TTC28: variants seen among roughly 807,000 people sequenced by gnomAD.
TTC28 encodes the protein tetratricopeptide repeat domain 28, also known as tetratricopeptide repeat protein 28.
A neutral mutation model predicts 198.0 loss-of-function variants in TTC28; 61 were observed. That is an observed-to-expected ratio of 0.31 (90% CI 0.25 to 0.38). The LOEUF (loss-of-function observed/expected upper bound fraction) is 0.38. Ranked by LOEUF, TTC28 falls within the 10% of genes least tolerant of loss-of-function variation. The probability of loss-of-function intolerance (pLI) is 1.00; values close to 1 mark genes in which losing one functional copy is unlikely to be tolerated. For synonymous variants in TTC28, 1,171 were observed against 1,297.8 expected, an observed-to-expected ratio of 0.90 and a Z score of 2.10; for missense variants, 2,678 against 3,164.0, an observed-to-expected ratio of 0.85 and a Z score of 3.69.
At chr22:28,586,646 T>C (rs1437502660) in intron 2 of TTC28, among the ~76,000 whole-genome samples, 2 of 152,182 alleles carry the variant, frequency 1.3e-5, no homozygotes, top group Admixed American at 6.5e-5. Context: ...ACTGATCTTT[T>C]GGCATAGTCA....
At chr22:28,336,680 G>T (rs1317508362) in intron 2 of TTC28, among the ~76,000 whole-genome samples, 1 of 151,848 alleles carries the variant, frequency 6.6e-6, no homozygotes. Context: ...GGTATCGGTG[G>T]TGATATCCGC....
In TTC28 at chr22:28,105,367, C is replaced by G. The variant is rs778103822; in HGVS notation, c.3219G>C (p.Leu1073Phe). 6.4e-7 allele frequency: 1 copy of G among 1,551,694 alleles called. No homozygotes were observed. The highest frequency in any genetic ancestry group is 8.7e-7 in the Non-Finnish European group (1 of 1,146,994). The stretch of plus-strand genomic sequence containing the variant: ...TACTATATGACACCGTCTTGGCCGC[C>G]AAGTCATTCATCTGTGCAGCAATGC... ...HLSIAAQMND[L>F]AAKTVSYSSL... Residue 1073 changes from leucine to phenylalanine, a missense_variant, in exon 8 of 23, where the codon TTG becomes TTC. Transcript: ENST00000397906.
At chr22:28,460,919 T>C (rs1233778872) in intron 2 of TTC28, among the ~76,000 whole-genome samples, 1 of 152,032 alleles carries the variant, frequency 6.6e-6, no homozygotes, top group African/African-American at 2.4e-5. Context: ...CCTGGGCTCA[T>C]ACTCTCCTCC....
intron 5 of TTC28, among the ~76,000 whole-genome samples, chr22:28,219,678 G>A (rs1307385453): frequency 1.1e-4 from 17 of 152,140 alleles, no homozygotes; most frequent in Admixed American, 1.1e-3. Flanking sequence ...CAAAGATCAA[G>A]AGAGGTTAAA....
At chr22:28,468,352 T>G (rs1467232579) in intron 2 of TTC28, among the ~76,000 whole-genome samples, 1 of 152,070 alleles carries the variant, frequency 6.6e-6, no homozygotes, top group Non-Finnish European at 1.5e-5. Flanking sequence ...TCTATTTATT[T>G]CAGTGACGAC....
chr22:28,631,773 G>A (rs982398321), intron 1 of TTC28, among the ~76,000 whole-genome samples: 5 of 152,004 alleles, frequency 3.3e-5, no homozygotes, highest in African/African-American at 1.2e-4. Flanking sequence ...CAATACTCCC[G>A]CCTTGGCTTC....
In TTC28 at chr22:27,979,015, A is replaced by G. The variant is rs1936933559; in HGVS notation, c.*3206T>C. On this transcript the variant is annotated 3_prime_UTR_variant, in exon 23 of 23. Transcript: ENST00000397906. The stretch of plus-strand genomic sequence containing the variant: ...TGGACTCCTCCCAAGTGGGACAAAG[A>G]GCCAAGGGCTATGCAGGAGGCATTT... 6.6e-6 allele frequency: 1 copy of G among 152,252 alleles called. No individual in the cohort carries two copies. The highest frequency in any genetic ancestry group is 2.4e-5 in the African/African-American group (1 of 41,464). The allele number at this position is 152,252 out of a possible 1,614,324, so 9.4% of individuals were successfully genotyped here. A position where few individuals can be genotyped will look rare whatever the true frequency, so the allele number is the denominator to read the frequency against.
chr22:28,129,020 T>G (rs558545676), intron 6 of TTC28, among the ~76,000 whole-genome samples: 1 of 152,320 alleles, frequency 6.6e-6, no homozygotes, highest in South Asian at 2.1e-4. Flanking sequence ...CTAACTGCCT[T>G]GGACATTTAG....
chr22:28,043,640 C>G (rs557847948), intron 12 of TTC28, among the ~76,000 whole-genome samples: 9,264 of 152,126 alleles, frequency 0.061, 403 homozygotes, highest in Admixed American at 0.13. Context: ...TTTAGTGTTC[C>G]AAGTTTGCCC....
chr22:28,135,612 A>C lies in TTC28; in HGVS notation c.1442-27209T>G, dbSNP rs550386369. On this transcript the variant is annotated intron_variant, in intron 6 of 22. Coordinates refer to ENST00000397906, the MANE Select transcript of TTC28 (RefSeq NM_001145418.2). ...TGATGACTTTAGCAAAAATAAATTT[A>C]AAAGAATAGTGGTGGGGGGAAAGTC... 2.0e-5 allele frequency among the ~76,000 whole-genome samples: 3 copies of C among 152,348 alleles called. No individual in the cohort carries two copies. In the South Asian group the frequency reaches 6.2e-4, roughly 32 times the overall value.
In TTC28 at chr22:28,107,589, T is replaced by C. The variant is rs753790255; in HGVS notation, c.2256A>G (p.Leu752=). Residue 752 remains leucine (L), a synonymous_variant, in exon 7 of 23, where the codon TTA becomes TTG. Coordinates refer to ENST00000397906, the MANE Select transcript of TTC28 (RefSeq NM_001145418.2). ...GLAHQVKDRR[L]EASAYAALGT... ...CCAGGGCTGCATATGCACTGGCTTC[T>C]AATCTTCTGTCCTTTACCTGGTGAG... 8 of 1,551,804 alleles carry C rather than the reference T, an allele frequency of 5.2e-6. No individual in the cohort carries two copies. Among genetic ancestry groups the C allele is most frequent in the South Asian group, 1.2e-5 (1 of 84,060 alleles).
chr22:28,407,380 T>A (rs2047013193), intron 2 of TTC28, among the ~76,000 whole-genome samples: 1 of 151,926 alleles, frequency 6.6e-6, no homozygotes, highest in Admixed American at 6.6e-5. Flanking sequence ...ACAAAGGCCT[T>A]TCCCCAACAT....
Position 27,996,215 on chromosome 22 carries a change from A to C in TTC28, c.5164T>G (p.Ser1722Ala), listed in dbSNP as rs1444370686. The C allele has an allele frequency of 1.3e-6, 2 of 1,551,128 alleles. No homozygotes were observed. The highest frequency in any genetic ancestry group is 8.7e-7 in the Non-Finnish European group (1 of 1,147,004). ...GSDVKLNSPSSLIGQALTEIL... is the reference protein window; with the variant it reads ...GSDVKLNSPSALIGQALTEIL... ...TCTGTGAGGGCCTGGCCGATGAGTG[A>C]TGAGGGGCTGTTCAGCTTAACGTCA... Residue 1722 changes from serine (S) to alanine (A), a missense_variant, in exon 17 of 23, where the codon TCA (serine) becomes GCA (alanine). Physicochemically the swap from Ser to Ala is moderately conservative, Grantham distance 99. Around this residue, in one of 8 missense-constraint regions of TTC28, gnomAD observed 314 missense variants for 442.7 expected, o/e 0.71. Transcript: ENST00000397906.
At chr22:28,293,758 T>C (rs1427688597) in intron 5 of TTC28, among the ~76,000 whole-genome samples, 1 of 152,084 alleles carries the variant, frequency 6.6e-6, no homozygotes, top group Non-Finnish European at 1.5e-5. Flanking sequence ...ACTTTATAAT[T>C]CCAGAAGCAA....
At chr22:28,545,707 T>A (rs1252565077) in intron 2 of TTC28, among the ~76,000 whole-genome samples, 1 of 152,124 alleles carries the variant, frequency 6.6e-6, no homozygotes, top group Non-Finnish European at 1.5e-5. Context: ...TATTTAAATT[T>A]AAAAATATAT....
chr22:28,374,187 T>C (rs1031079045), intron 2 of TTC28, among the ~76,000 whole-genome samples: 1 of 152,202 alleles, frequency 6.6e-6, no homozygotes, highest in African/African-American at 2.4e-5. Flanking sequence ...GCTTTCAAAA[T>C]TACAATGTCT....
At chr22:28,138,725 C>G (rs191763894) in intron 6 of TTC28, among the ~76,000 whole-genome samples, 314 of 152,302 alleles carry the variant, frequency 2.1e-3, no homozygotes, top group African/African-American at 7.3e-3. Context: ...AGACCCTGTG[C>G]CCCTCTGACT....
At chr22:28,372,098 C>G (rs1188647968) in intron 2 of TTC28, among the ~76,000 whole-genome samples, 3 of 151,860 alleles carry the variant, frequency 2.0e-5, no homozygotes, top group Non-Finnish European at 4.4e-5. Flanking sequence ...CCCCTACCAC[C>G]TCCCCGCCTT....
At chr22:28,468,558 C>A (rs184838554) in intron 2 of TTC28, among the ~76,000 whole-genome samples, 2 of 151,906 alleles carry the variant, frequency 1.3e-5, no homozygotes, top group South Asian at 4.2e-4. Flanking sequence ...ACTCTGTCGC[C>A]CAGGCTGGAG....
Sources: gnomAD v4.1 joint callset for allele counts (sites outside exome capture counted in the v4.1 genomes callset) on GRCh38, gnomAD v4.1.1 for gene constraint, gnomAD v4.1.1 regional missense constraint, MANE v1.5 for transcripts, NCBI Gene and HGNC (gene_info 2026-07-23, HGNC 2026-07-21) for gene names.